Variants in ROBO1 observed in about 807,000 individuals in gnomAD.
ROBO1 encodes the protein roundabout homolog 1.
ROBO1 carries 149 observed loss-of-function variants against 195.9 expected under a neutral mutation model. That is an observed-to-expected ratio of 0.76 (90% CI 0.67 to 0.87). ROBO1 has a LOEUF of 0.87. Ranked by LOEUF, ROBO1 falls within the 40% of genes least tolerant of loss-of-function variation. ROBO1 has a pLI of 0.00. For missense variants in ROBO1, 1,933 were observed against 2,068.3 expected, an observed-to-expected ratio of 0.93 and a Z score of 1.27; for synonymous variants, 816 against 733.2, an observed-to-expected ratio of 1.11 and a Z score of -1.82.
At chr3:78,637,150 T>G (rs540649393) in intron 22 of ROBO1, among the ~76,000 whole-genome samples, 1 of 151,876 alleles carries the variant, frequency 6.6e-6, no homozygotes, top group Non-Finnish European at 1.5e-5. Flanking sequence ...GGTTTTTAAC[T>G]GGATATGTTT....
intron 8 of ROBO1, among the ~76,000 whole-genome samples, chr3:78,700,826 C>T (rs562376438): frequency 6.3e-4 from 95 of 150,304 alleles, no homozygotes; most frequent in Non-Finnish European, 1.0e-3. Context: ...TGCAGTGTCG[C>T]GATCCCAGCT....
intron 10 of ROBO1, among the ~76,000 whole-genome samples, chr3:78,684,349 A>C (rs139925894): frequency 6.6e-6 from 1 of 152,140 alleles, no homozygotes; most frequent in Non-Finnish European, 1.5e-5. Flanking sequence ...AATGATGATA[A>C]AAGTCAGAAA....
chr3:79,020,918 A>G (rs145272900), intron 3 of ROBO1, among the ~76,000 whole-genome samples: 1 of 152,264 alleles, frequency 6.6e-6, no homozygotes, highest in African/African-American at 2.4e-5. Flanking sequence ...TCTTTTCTAC[A>G]TAGTGTTGTG....
At chr3:79,098,493 G>C (rs1460338782) in intron 3 of ROBO1, among the ~76,000 whole-genome samples, 1 of 151,842 alleles carries the variant, frequency 6.6e-6, no homozygotes, top group African/African-American at 2.4e-5. Context: ...GTCTGTCTCA[G>C]TGTAGATTAT....
At chr3:79,458,941 G>C (rs1004099853) in intron 2 of ROBO1, among the ~76,000 whole-genome samples, 1 of 151,892 alleles carries the variant, frequency 6.6e-6, no homozygotes, top group Non-Finnish European at 1.5e-5. Flanking sequence ...CTATTACTAG[G>C]AAAGCAATAA....
At chr3:79,349,172 C>A (rs888522830) in intron 2 of ROBO1, among the ~76,000 whole-genome samples, 1 of 152,026 alleles carries the variant, frequency 6.6e-6, no homozygotes, top group South Asian at 2.1e-4. Context: ...TTATAACCAG[C>A]ATCTAATAAA....
intron 1 of ROBO1, among the ~76,000 whole-genome samples, chr3:79,617,126 T>C (rs902398112): frequency 6.6e-6 from 1 of 152,034 alleles, no homozygotes; most frequent in Admixed American, 6.6e-5. Flanking sequence ...AAGGAACTAG[T>C]GTATCCCTCT....
intron 3 of ROBO1, among the ~76,000 whole-genome samples, chr3:79,085,732 T>C (rs2079356695): frequency 6.6e-6 from 1 of 152,132 alleles, no homozygotes; most frequent in African/African-American, 2.4e-5. Context: ...AATATGATAG[T>C]TTTAATCAGA....
intron 2 of ROBO1, among the ~76,000 whole-genome samples, chr3:79,557,032 T>A (rs533379541): frequency 1.2e-3 from 182 of 148,776 alleles, no homozygotes; most frequent in African/African-American, 4.2e-3. Flanking sequence ...TTTTTTTTTT[T>A]ATTTTTGTGG....
intron 21 of ROBO1, among the ~76,000 whole-genome samples, chr3:78,645,340 C>T (rs1005895807): frequency 2.0e-5 from 3 of 150,770 alleles, no homozygotes; most frequent in Non-Finnish European, 4.4e-5. Context: ...TCATGTTATA[C>T]AGCTGTACAA....
At chr3:79,219,033 A>G (rs1346154517) in intron 2 of ROBO1, among the ~76,000 whole-genome samples, 1 of 152,000 alleles carries the variant, frequency 6.6e-6, no homozygotes, top group Admixed American at 6.6e-5. Context: ...TATTGACAAA[A>G]TGTTTTCAGT....
intron 25 of ROBO1, among the ~76,000 whole-genome samples, chr3:78,628,008 C>G (rs1704927243): frequency 1.3e-5 from 2 of 148,552 alleles, no homozygotes; most frequent in Admixed American, 6.8e-5. Context: ...GGCTGGAGTG[C>G]AATGGCACAA....
At chr3:79,035,959 A>G (rs2108316334) in intron 3 of ROBO1, among the ~76,000 whole-genome samples, 1 of 152,268 alleles carries the variant, frequency 6.6e-6, no homozygotes, top group African/African-American at 2.4e-5. Flanking sequence ...TATAATTAAT[A>G]TTTTAAAAAA....
At chr3:79,305,815 C>T (rs73848850) in intron 2 of ROBO1, among the ~76,000 whole-genome samples, 1 of 152,122 alleles carries the variant, frequency 6.6e-6, no homozygotes, top group African/African-American at 2.4e-5. Flanking sequence ...AACACTCAAA[C>T]TTGTGGAAAG....
At chr3:79,358,265 C>A (rs1577017944) in intron 2 of ROBO1, among the ~76,000 whole-genome samples, 1 of 152,160 alleles carries the variant, frequency 6.6e-6, no homozygotes, top group Non-Finnish European at 1.5e-5. Flanking sequence ...ATAAAATAAT[C>A]ATTACATATA....
chr3:79,248,374 CAAAAAA>C (rs10559171), intron 2 of ROBO1, among the ~76,000 whole-genome samples: 37 of 36,210 alleles, frequency 1.0e-3, no homozygotes, highest in Middle Eastern at 0.019. Flanking sequence ...GAAGACAGAC[CAAAAAA>C]AAAAAAAAAA....
chr3:79,610,467 T>C (rs1282437185), intron 1 of ROBO1, among the ~76,000 whole-genome samples: 1 of 151,982 alleles, frequency 6.6e-6, no homozygotes, highest in Non-Finnish European at 1.5e-5. Context: ...AAAGATAGTG[T>C]TTTTCCTGTG....
chr3:78,611,643 G>A (rs1166794821), intron 28 of ROBO1, among the ~76,000 whole-genome samples: 4 of 152,316 alleles, frequency 2.6e-5, no homozygotes, highest in African/African-American at 9.6e-5. Context: ...CGGGTGTCAG[G>A]GGCTGGTGCA....
rs368798050 is a variant in ROBO1, at chr3:78,635,869, C to T, written c.3277G>A (p.Asp1093Asn). The part of the protein sequence containing the change: ...LSNNMNNGSG[D>N]SGEKHWKPLG... ...GGTTTCCAGTGCTTCTCGCCAGAGT[C>T]CCCGCTGCCATTGTTCATGTTGTTG... Residue 1093 changes from aspartate (D) to asparagine (N), a missense_variant, in exon 23 of 31, where the codon GAC becomes AAC. By Grantham distance (23) the Asp-to-Asn change is conservative (BLOSUM62 1). Transcript: ENST00000464233. The T allele has an allele frequency of 1.2e-6, 2 of 1,613,894 alleles. No homozygotes were observed. The highest frequency in any genetic ancestry group is 8.5e-7 in the Non-Finnish European group (1 of 1,179,842).
Sources: allele counts gnomAD v4.1 joint callset (sites outside exome capture counted in the v4.1 genomes callset), GRCh38; gene constraint gnomAD v4.1.1; transcripts MANE v1.5; gene names NCBI Gene and HGNC (gene_info 2026-07-23, HGNC 2026-07-21).